Variants in LRMDA observed in about 807,000 individuals in gnomAD.
LRMDA encodes the protein leucine-rich melanocyte differentiation-associated protein.
Under a neutral mutation model 29.8 loss-of-function variants are expected in LRMDA, and 18 were observed. That is an observed-to-expected ratio of 0.60 (90% confidence interval 0.42 to 0.90). LRMDA has a LOEUF of 0.90. LRMDA is among the 40% of genes least tolerant of loss of function. The pLI is 0.00. For synonymous variants in LRMDA, 125 were observed against 109.4 expected (o/e 1.14, Z -0.89); for missense variants, 273 against 273.9 (o/e 1.00, Z 0.02).
At chr10:75,676,817 C>T (rs1378174256) in intron 2 of LRMDA, among the ~76,000 whole-genome samples, 2 of 152,114 alleles carry the variant, frequency 1.3e-5, no homozygotes, top group Non-Finnish European at 2.9e-5. Context: ...CAATGTATCT[C>T]CAGCCATGGT....
rs183195956 is a variant in LRMDA at position 76,219,922 on chromosome 10, A to G, written c.517-104479A>G. On this transcript the variant is annotated intron_variant, in intron 5 of 6. Coordinates refer to ENST00000611255, the MANE Select transcript of LRMDA (RefSeq NM_001305581.2). ...CAGAAATTATAGCAAACTGTCTCTC[A>G]GACCACAGTGCAATCAAACTAGAAC... is the stretch of plus-strand genomic sequence containing the variant. 2.2e-3 allele frequency among the ~76,000 whole-genome samples: 331 copies of G among 152,362 alleles called. 3 individuals carry two copies. Among genetic ancestry groups the G allele is most frequent in the African/African-American group, 7.2e-3 (299 of 41,584 alleles).
chr10:76,506,302 T>C (rs578063808), intron 6 of LRMDA, among the ~76,000 whole-genome samples: 1 of 152,288 alleles, frequency 6.6e-6, no homozygotes, highest in Non-Finnish European at 1.5e-5. Flanking sequence ...AATGTCCTTT[T>C]TTCCCTTTAT....
At chr10:75,838,030 A>G (rs773841650) in intron 2 of LRMDA, among the ~76,000 whole-genome samples, 2 of 152,298 alleles carry the variant, frequency 1.3e-5, no homozygotes, top group South Asian at 2.1e-4. Flanking sequence ...TAAATGAAGT[A>G]TATATAAAAA....
chr10:75,455,686 A>G (rs1332390481), intron 2 of LRMDA, among the ~76,000 whole-genome samples: 6 of 152,234 alleles, frequency 3.9e-5, no homozygotes, highest in Admixed American at 1.3e-4. Context: ...AGACAGGGGC[A>G]TACCTTATGT....
chr10:75,828,874 T>C (rs531139547), intron 2 of LRMDA, among the ~76,000 whole-genome samples: 7 of 152,284 alleles, frequency 4.6e-5, no homozygotes, highest in Admixed American at 3.3e-4. Flanking sequence ...GTATTTCTTG[T>C]AATTTATTCA....
At chr10:75,850,908 G>C (rs1050551990) in intron 2 of LRMDA, among the ~76,000 whole-genome samples, 1 of 152,152 alleles carries the variant, frequency 6.6e-6, no homozygotes, top group African/African-American at 2.4e-5. Flanking sequence ...TTGAAGGCAT[G>C]AACAATGAGA....
intron 2 of LRMDA, chr10:75,451,808 G>A (rs767389597): frequency 3.3e-5 from 5 of 151,820 alleles, no homozygotes; most frequent in East Asian, 3.9e-4. Context: ...CAGCTAAGGC[G>A]AGGCAGGATT....
intron 2 of LRMDA, among the ~76,000 whole-genome samples, chr10:75,919,330 C>T (rs1182308116): frequency 1.3e-5 from 2 of 152,180 alleles, no homozygotes; most frequent in East Asian, 3.9e-4. Flanking sequence ...GATTCATTTA[C>T]TCAGCTGGTC....
chr10:75,677,197 C>T (rs1285152640), intron 2 of LRMDA, among the ~76,000 whole-genome samples: 3 of 152,140 alleles, frequency 2.0e-5, no homozygotes, highest in African/African-American at 7.2e-5. Flanking sequence ...CTTTCCTCCC[C>T]AAACTGTGTA....
intron 5 of LRMDA, among the ~76,000 whole-genome samples, chr10:76,131,710 C>T (rs546913301): frequency 6.6e-6 from 1 of 151,778 alleles, no homozygotes; most frequent in South Asian, 2.1e-4. Flanking sequence ...TATTGCATTG[C>T]TCTAATTTCT....
intron 2 of LRMDA, among the ~76,000 whole-genome samples, chr10:75,494,932 A>G (rs909795898): frequency 3.3e-5 from 5 of 152,224 alleles, no homozygotes; most frequent in South Asian, 2.1e-4. Flanking sequence ...GATGGCAACT[A>G]GAAGTCCAGC....
intron 2 of LRMDA, among the ~76,000 whole-genome samples, chr10:75,752,805 A>T (rs1447164705): frequency 1.3e-5 from 2 of 152,126 alleles, no homozygotes; most frequent in Non-Finnish European, 2.9e-5. Flanking sequence ...CTTCTGGCCT[A>T]CTTTTTGTTT....
At chr10:76,117,140 A>T (rs1293674539) in intron 5 of LRMDA, among the ~76,000 whole-genome samples, 1 of 152,186 alleles carries the variant, frequency 6.6e-6, no homozygotes, top group Admixed American at 6.5e-5. Flanking sequence ...ATCCATACCA[A>T]CAGTGCTCGT....
At chr10:75,743,184 G>T (rs181326497) in intron 2 of LRMDA, among the ~76,000 whole-genome samples, 2 of 151,814 alleles carry the variant, frequency 1.3e-5, no homozygotes, top group African/African-American at 4.9e-5. Flanking sequence ...TGAAATAATT[G>T]TAGTTGTACT....
chr10:76,074,605 G>A (rs1165353589), intron 5 of LRMDA, among the ~76,000 whole-genome samples: 2 of 152,160 alleles, frequency 1.3e-5, no homozygotes, highest in Non-Finnish European at 2.9e-5. Context: ...ATGGGAGACT[G>A]TAAGTCAGAG....
intron 2 of LRMDA, among the ~76,000 whole-genome samples, chr10:75,668,621 T>C (rs1244073714): frequency 6.6e-6 from 1 of 152,184 alleles, no homozygotes; most frequent in Non-Finnish European, 1.5e-5. Flanking sequence ...CACATAGAGT[T>C]GGGGCTTAAT....
At chr10:76,505,837 C>G (rs376134940) in intron 6 of LRMDA, among the ~76,000 whole-genome samples, 8 of 152,216 alleles carry the variant, frequency 5.3e-5, no homozygotes, top group Admixed American at 2.6e-4. Context: ...AACACTCTGA[C>G]TTTTTGAATT....
chr10:75,712,003 C>T (rs1842442051), intron 2 of LRMDA, among the ~76,000 whole-genome samples: 2 of 151,900 alleles, frequency 1.3e-5, no homozygotes, highest in Admixed American at 1.3e-4. Flanking sequence ...CCTTAGCTGG[C>T]GATGAAATTG....
intron 2 of LRMDA, among the ~76,000 whole-genome samples, chr10:75,673,265 C>A (rs1841921874): frequency 6.6e-6 from 1 of 152,162 alleles, no homozygotes; most frequent in Non-Finnish European, 1.5e-5. Context: ...GCCTCCTTAT[C>A]CACCTAAAAT....
Sources: gnomAD v4.1 joint callset for allele counts (sites outside exome capture counted in the v4.1 genomes callset) on GRCh38, gnomAD v4.1.1 for gene constraint, MANE v1.5 for transcripts, NCBI Gene and HGNC (gene_info 2026-07-23, HGNC 2026-07-21) for gene names.